The following ADH4 variants were observed in gnomAD, a reference collection of about 807,000 sequenced individuals.
The protein encoded by ADH4 is alcohol dehydrogenase 4 (class II), pi polypeptide.
ADH4 carries 31 observed loss-of-function variants against 35.2 expected under a neutral mutation model. The observed-to-expected ratio is 0.88, with a 90% CI of 0.66 to 1.19. ADH4 has a LOEUF of 1.19. Ranked by LOEUF, ADH4 falls within the 50% of genes most tolerant of loss-of-function variation. ADH4 has a pLI of 0.00. For missense variants in ADH4, 476 were observed against 458.3 expected, an observed-to-expected ratio of 1.04 and a Z score of -0.35; for synonymous variants, 171 against 160.2, an observed-to-expected ratio of 1.07 and a Z score of -0.51.
chr4:99,129,526 A>T (rs986197746), intron 6 of ADH4, among the ~76,000 whole-genome samples: 1 of 152,226 alleles, frequency 6.6e-6, no homozygotes, highest in Non-Finnish European at 1.5e-5. Flanking sequence ...CTCTTAATAC[A>T]ATTAAAAGAA....
intron 6 of ADH4, among the ~76,000 whole-genome samples, chr4:99,131,044 A>G (rs1729254844): frequency 6.6e-6 from 1 of 152,158 alleles, no homozygotes; most frequent in Non-Finnish European, 1.5e-5. Context: ...AATGCTGTCT[A>G]GTTAATGCAC....
chr4:99,144,190 AGCTTACTT>A lies in ADH4; in HGVS notation c.18+7_18+14del. On this transcript the variant is annotated splice_region_variant and intron_variant, in intron 1 of 8. Transcript: ENST00000265512. ...AAAAGCACAAACTGAACAAAGATAC[AGCTTACTT>A]GCTTACTTTGCCCTTGGTGCCCATT... The A allele has an allele frequency of 1.9e-6, 3 of 1,613,608 alleles. No individual in the cohort carries two copies. The highest frequency in any genetic ancestry group is 2.5e-6 in the Non-Finnish European group (3 of 1,179,520).
rs746638032 is a variant in ADH4, at chr4:99,139,051, G to A, written c.350+10C>T. ...AATTTATACTAATACTAACAGTGTA[G>A]AGTGCTTACCTGATTTTCCCACACA... On this transcript the variant is annotated intron_variant, in intron 4 of 8. Transcript: ENST00000265512. 1 of 1,597,096 alleles carries A rather than the reference G, an allele frequency of 6.3e-7. No individual in the cohort carries two copies. Among genetic ancestry groups the A allele is most frequent in the Non-Finnish European group, 8.6e-7 (1 of 1,165,742 alleles).
chr4:99,135,195 G>A (rs29001184), intron 5 of ADH4, among the ~76,000 whole-genome samples: 95 of 152,182 alleles, frequency 6.2e-4, no homozygotes, highest in Non-Finnish European at 1.1e-3. Context: ...TTGGGAGGTC[G>A]AAGTGGGAGG....
Position 99,139,124 on chromosome 4 carries a change from G to T in ADH4, c.287C>A (p.Ala96Glu), listed in dbSNP as rs1372771120. The T allele has an allele frequency of 6.2e-7, 1 of 1,613,066 alleles. No individual in the cohort carries two copies. Among genetic ancestry groups the T allele is most frequent in the Non-Finnish European group, 8.5e-7 (1 of 1,179,486 alleles). ...AAACTTGCATTTTCTACATAGAGGT[G>T]CATAAAGTGGAATTACTTTGTCACC... ...KPGDKVIPLY[A>E]PLCRKCKFCL... The change falls in exon 4 of 9, where the codon GCA (alanine) becomes GAA (glutamate). Residue 96 changes from alanine to glutamate, a missense_variant. Ala to Glu is a moderately radical substitution (Grantham distance 107). Transcript: ENST00000265512.
intron 5 of ADH4, among the ~76,000 whole-genome samples, chr4:99,134,901 C>T (rs1191021154): frequency 6.6e-6 from 1 of 150,428 alleles, no homozygotes; most frequent in Non-Finnish European, 1.5e-5. Flanking sequence ...CTCTAGGTAA[C>T]CTGATAAGAA....
chr4:99,141,747 A>G (rs1729632672), intron 2 of ADH4, 65 bp from the exon 3 acceptor site: 1 of 1,495,824 alleles, frequency 6.7e-7, no homozygotes, highest in Non-Finnish European at 9.1e-7. Flanking sequence ...GATGTTACAT[A>G]TAAGATTAGG....
intron 3 of ADH4, among the ~76,000 whole-genome samples, chr4:99,140,665 C>T (rs529796691): frequency 1.6e-4 from 25 of 151,742 alleles, no homozygotes; most frequent in African/African-American, 5.6e-4. Flanking sequence ...GTCAGTAGTT[C>T]GAGACCAGCC....
chr4:99,130,439 A>T (rs1161828942), intron 6 of ADH4, among the ~76,000 whole-genome samples: 1 of 152,208 alleles, frequency 6.6e-6, no homozygotes, highest in African/African-American at 2.4e-5. Flanking sequence ...CTGGTAAGCT[A>T]CAGGGTGTTG....
intron 8 of ADH4, among the ~76,000 whole-genome samples, 200 bp downstream of exon 8, chr4:99,126,394 G>T (rs569182244): frequency 6.6e-6 from 1 of 152,270 alleles, no homozygotes; most frequent in Non-Finnish European, 1.5e-5. Flanking sequence ...ATTCTATATT[G>T]TAACAGTGTA....
intron 8 of ADH4, among the ~76,000 whole-genome samples, chr4:99,125,228 C>T (rs1458769058): frequency 6.6e-6 from 1 of 152,192 alleles, no homozygotes; most frequent in Non-Finnish European, 1.5e-5. Flanking sequence ...GGTGGACACA[C>T]CTGATGAGGC....
At chr4:99,141,470 G>T in intron 3 of ADH4, 71 bp downstream of exon 3, 1 of 1,460,174 alleles carries the variant, frequency 6.8e-7, no homozygotes, top group Non-Finnish European at 9.2e-7. Context: ...AGCATGCCAA[G>T]CCAGGACTCT....
chr4:99,126,368 A>G (rs1013357808), intron 8 of ADH4, among the ~76,000 whole-genome samples: 1 of 152,196 alleles, frequency 6.6e-6, no homozygotes, highest in Non-Finnish European at 1.5e-5. Flanking sequence ...TGGAAATTGT[A>G]TCAATTTATG....
Position 99,127,258 on chromosome 4 carries a change from A to T in ADH4, c.930T>A (p.Phe310Leu), listed in dbSNP as rs747570796. Reference sequence around the variant, plus strand: ...TACGGCCGATTATTAGCTCCTCTGGAAAAATAGTCAATCCTTTGCTACCAG... The same window carrying T: ...TACGGCCGATTATTAGCTCCTCTGGTAAAATAGTCAATCCTTTGCTACCAG... ...VAAGSKGLTI[F>L]PEELIIGRTI... Residue 310 changes from phenylalanine to leucine, a missense_variant, in exon 7 of 9, where the codon TTT becomes TTA. Coordinates refer to ENST00000265512, the MANE Select transcript of ADH4 (RefSeq NM_000670.5). 6.2e-7 allele frequency: 1 copy of T among 1,611,582 alleles called. No individual in the cohort carries two copies. The highest frequency in any genetic ancestry group is 8.5e-7 in the Non-Finnish European group (1 of 1,178,556).
chr4:99,141,007 C>T (rs778570651), intron 3 of ADH4, among the ~76,000 whole-genome samples: 15 of 152,092 alleles, frequency 9.9e-5, no homozygotes, highest in African/African-American at 1.9e-4. Context: ...ACATAGTACC[C>T]GATAGTTATT....
intron 6 of ADH4, among the ~76,000 whole-genome samples, chr4:99,128,939 A>G (rs980663416): frequency 1.3e-5 from 2 of 152,026 alleles, no homozygotes; most frequent in African/African-American, 4.8e-5. Flanking sequence ...AGCTGGTACT[A>G]TAGGCGTGTG....
intron 3 of ADH4, 125 bp from the exon 4 acceptor site, chr4:99,139,273 G>A: frequency 1.6e-6 from 1 of 608,310 alleles, no homozygotes; most frequent in Non-Finnish European, 2.9e-6. Context: ...AGTATAGGTG[G>A]CTACAGTATT....
chr4:99,136,776 A>T, intron 4 of ADH4, 79 bp from the exon 5 acceptor site: 1 of 889,970 alleles, frequency 1.1e-6, no homozygotes, highest in Non-Finnish European at 1.7e-6. Flanking sequence ...CCTACAAAAT[A>T]TGTTGAGCAT....
At chr4:99,126,835 G>T in intron 7 of ADH4, 103 bp from the exon 8 acceptor site, 1 of 1,119,552 alleles carries the variant, frequency 8.9e-7, no homozygotes, top group Non-Finnish European at 1.2e-6. Flanking sequence ...GATTTGGTTT[G>T]CTTCAAATAG....
Sources: allele counts gnomAD v4.1 joint callset (sites outside exome capture counted in the v4.1 genomes callset), GRCh38; gene constraint gnomAD v4.1.1; transcripts MANE v1.5; gene names NCBI Gene and HGNC (gene_info 2026-07-23, HGNC 2026-07-21).